SRD5A2: variants seen among roughly 807,000 people sequenced by gnomAD.
SRD5A2 encodes the protein steroid 5 alpha-reductase 2.
Under a neutral mutation model 27.4 loss-of-function variants are expected in SRD5A2, and 30 were observed. The ratio of observed to expected loss-of-function variants is 1.10; its 90% CI spans 0.82 to 1.49. SRD5A2 has a LOEUF of 1.49. Ranked by LOEUF, SRD5A2 falls within the 40% of genes most tolerant of loss-of-function variation. The pLI is 0.00. For synonymous variants in SRD5A2, 141 were observed against 133.6 expected, an observed-to-expected ratio of 1.06 and a Z score of -0.38; for missense variants, 348 against 323.4, an observed-to-expected ratio of 1.08 and a Z score of -0.58.
At chr2:31,614,315 C>T in the SRD5A2 span, among the ~76,000 whole-genome samples, 1 of 152,148 alleles carries the variant, frequency 6.6e-6, no homozygotes, top group East Asian at 1.9e-4. Flanking sequence ...CATATGAGTC[C>T]GAAGTCCAGT....
At chr2:31,553,282 C>T (rs537810814) in intron 1 of SRD5A2, among the ~76,000 whole-genome samples, 2 of 152,102 alleles carry the variant, frequency 1.3e-5, no homozygotes, top group South Asian at 4.2e-4. Context: ...ACATATGAGA[C>T]ATCATCAAGA....
chr2:31,560,675 C>A (rs574695807), intron 1 of SRD5A2, among the ~76,000 whole-genome samples: 10 of 152,076 alleles, frequency 6.6e-5, no homozygotes, highest in Non-Finnish European at 1.3e-4. Context: ...TCCTTTAAAC[C>A]TCTTTCCCCA....
At chr2:31,620,517 C>T in the SRD5A2 span, among the ~76,000 whole-genome samples, 1 of 151,910 alleles carries the variant, frequency 6.6e-6, no homozygotes, top group Admixed American at 6.6e-5. Context: ...GTACAAAAAT[C>T]GCTAGTACTT....
At chr2:31,610,925 T>C in the SRD5A2 span, among the ~76,000 whole-genome samples, 3 of 152,006 alleles carry the variant, frequency 2.0e-5, no homozygotes, top group Admixed American at 2.0e-4. Flanking sequence ...CTGACCAACA[T>C]GGTGAAACCC....
the SRD5A2 span, among the ~76,000 whole-genome samples, chr2:31,597,096 C>T: frequency 2.6e-5 from 4 of 151,702 alleles, no homozygotes; most frequent in African/African-American, 9.7e-5. Context: ...TCAAACTATA[C>T]TACAGTCATG....
the SRD5A2 span, among the ~76,000 whole-genome samples, chr2:31,654,628 T>TA: frequency 6.6e-6 from 1 of 151,990 alleles, no homozygotes; most frequent in Non-Finnish European, 1.5e-5. Context: ...AATAAATAAA[T>TA]AATAATAAAT....
At chr2:31,631,288 T>C in the SRD5A2 span, among the ~76,000 whole-genome samples, 1 of 152,050 alleles carries the variant, frequency 6.6e-6, no homozygotes, top group African/African-American at 2.4e-5. Flanking sequence ...TTCTTTGTGG[T>C]CAAGAAAGGT....
At chr2:31,592,116 CA>C in the SRD5A2 span, among the ~76,000 whole-genome samples, 5 of 148,038 alleles carry the variant, frequency 3.4e-5, no homozygotes, top group African/African-American at 5.0e-5. Flanking sequence ...AAAAACAGCC[CA>C]AAAAAAAGAA....
chr2:31,553,302 T>G (rs571384477), intron 1 of SRD5A2, among the ~76,000 whole-genome samples: 1 of 152,022 alleles, frequency 6.6e-6, no homozygotes. Flanking sequence ...ACAACAAATA[T>G]ATACATTATG....
chr2:31,530,723 T>C (rs975784454), intron 3 of SRD5A2, among the ~76,000 whole-genome samples: 3 of 152,200 alleles, frequency 2.0e-5, no homozygotes, highest in South Asian at 2.1e-4. Flanking sequence ...AATACCCATC[T>C]AAACCTACTG....
At chr2:31,625,720 ATC>A in the SRD5A2 span, among the ~76,000 whole-genome samples, 1 of 152,070 alleles carries the variant, frequency 6.6e-6, no homozygotes, top group East Asian at 1.9e-4. Context: ...ATTGATCTAT[ATC>A]TCTGTTTTGG....
chr2:31,531,317 C>A (rs1665900672), intron 3 of SRD5A2, 54 bp downstream of exon 3: 1 of 1,320,388 alleles, frequency 7.6e-7, no homozygotes, highest in Non-Finnish European at 1.1e-6. Flanking sequence ...ATAGCATCAT[C>A]CCTGGGACAG....
chr2:31,606,725 A>G, the SRD5A2 span, among the ~76,000 whole-genome samples: 1 of 151,976 alleles, frequency 6.6e-6, no homozygotes, highest in Non-Finnish European at 1.5e-5. Context: ...ATGTTGCTCA[A>G]AGCCCCACCC....
chr2:31,560,173 T>C (rs1261638220), intron 1 of SRD5A2, among the ~76,000 whole-genome samples: 1 of 151,908 alleles, frequency 6.6e-6, no homozygotes, highest in African/African-American at 2.4e-5. Context: ...ATATGAACTC[T>C]TTCTGAAGTC....
At chr2:31,580,543 G>A (rs1405562230) in intron 1 of SRD5A2, 77 bp downstream of exon 1, 42 of 1,411,628 alleles carry the variant, frequency 3.0e-5, no homozygotes, top group South Asian at 4.6e-5. Flanking sequence ...TCCTCGGTGC[G>A]CGCTCCACGC....
At chr2:31,543,145 G>A (rs990546076) in intron 1 of SRD5A2, among the ~76,000 whole-genome samples, 4 of 152,150 alleles carry the variant, frequency 2.6e-5, no homozygotes, top group Non-Finnish European at 4.4e-5. Context: ...GCAGTGGGCT[G>A]ATATTTTCAA....
intron 3 of SRD5A2, among the ~76,000 whole-genome samples, chr2:31,530,453 G>A (rs1665882441): frequency 6.6e-6 from 1 of 152,098 alleles, no homozygotes; most frequent in Non-Finnish European, 1.5e-5. Context: ...AAAGCAAAGG[G>A]CCTATAAATT....
chr2:31,589,786 C>G, the SRD5A2 span, among the ~76,000 whole-genome samples: 1 of 152,056 alleles, frequency 6.6e-6, no homozygotes, highest in Admixed American at 6.5e-5. Context: ...ATTGCAGAAG[C>G]TGCAGCTGAA....
chr2:31,652,918 T>C, the SRD5A2 span, among the ~76,000 whole-genome samples: 1 of 152,298 alleles, frequency 6.6e-6, no homozygotes, highest in East Asian at 1.9e-4. Flanking sequence ...TCTCTGCCAA[T>C]GTGTGAGACT....
Sources: allele counts gnomAD v4.1 joint callset (sites outside exome capture counted in the v4.1 genomes callset), GRCh38; gene constraint gnomAD v4.1.1; transcripts MANE v1.5; gene names NCBI Gene and HGNC (gene_info 2026-07-23, HGNC 2026-07-21).